Variants in CLYBL observed in about 807,000 individuals in gnomAD.
CLYBL encodes the protein citramalyl-CoA lyase, mitochondrial.
CLYBL carries 31 observed loss-of-function variants against 38.9 expected under a neutral mutation model. That is an observed-to-expected ratio of 0.80 (90% CI 0.60 to 1.08). CLYBL has a LOEUF of 1.08. Among genes scored for constraint, CLYBL ranks in the 50% least tolerant of loss-of-function variants. The pLI is 0.00. For synonymous variants in CLYBL, 171 were observed against 158.6 expected (o/e 1.08, Z -0.59); for missense variants, 434 against 411.6 (o/e 1.05, Z -0.47).
At chr13:99,662,826 C>T (rs999422780) in intron 1 of CLYBL, among the ~76,000 whole-genome samples, 2 of 152,304 alleles carry the variant, frequency 1.3e-5, no homozygotes. Flanking sequence ...GAGCACTTTC[C>T]TTGTTCCCTT....
chr13:99,641,110 C>T (rs1402267311), intron 1 of CLYBL, among the ~76,000 whole-genome samples: 2 of 152,158 alleles, frequency 1.3e-5, no homozygotes, highest in South Asian at 2.1e-4. Flanking sequence ...ATATTCTTGC[C>T]TTCAGTCCTG....
At chr13:99,786,200 C>CTTTTTTTTTT (rs199863527) in intron 2 of CLYBL, among the ~76,000 whole-genome samples, 1 of 122,558 alleles carries the variant, frequency 8.2e-6, no homozygotes, top group African/African-American at 3.0e-5. Flanking sequence ...CTTAGCTTTC[C>CTTTTTTTTTT]TTTTTTTTTT....
At chr13:99,626,864 A>C (rs1038691384) in intron 1 of CLYBL, among the ~76,000 whole-genome samples, 17 of 151,846 alleles carry the variant, frequency 1.1e-4, no homozygotes, top group African/African-American at 2.9e-4. Context: ...TTAAGACATG[A>C]CATTCCAGAG....
chr13:99,762,657 C>T (rs562792043), intron 1 of CLYBL, among the ~76,000 whole-genome samples: 5 of 152,100 alleles, frequency 3.3e-5, no homozygotes, highest in Non-Finnish European at 7.4e-5. Context: ...TTCAGAGTCT[C>T]TTGTGGTTCC....
intron 1 of CLYBL, among the ~76,000 whole-genome samples, chr13:99,637,683 A>T (rs1047500760): frequency 4.6e-5 from 7 of 152,152 alleles, no homozygotes; most frequent in African/African-American, 1.7e-4. Flanking sequence ...GCTTGAACCC[A>T]GGAGGTGGAG....
intron 2 of CLYBL, among the ~76,000 whole-genome samples, chr13:99,777,488 TTTCTTTTC>T (rs1395081489): frequency 5.1e-5 from 6 of 118,258 alleles, no homozygotes; most frequent in East Asian, 2.7e-4. Context: ...TTCCTTTTCT[TTTCTTTTC>T]TTTTTTTTTT....
intron 1 of CLYBL, among the ~76,000 whole-genome samples, chr13:99,716,415 A>T: frequency 7.0e-6 from 1 of 143,188 alleles, no homozygotes. Context: ...TTTTTAATAG[A>T]GTCTGTCGCC....
chr13:99,692,910 ATTCCTTTTTC>A (rs1164680545), intron 1 of CLYBL, among the ~76,000 whole-genome samples: 256 of 152,258 alleles, frequency 1.7e-3, no homozygotes, highest in African/African-American at 5.9e-3. Context: ...TTAGTACTTC[ATTCCTTTTTC>A]TGGCCCAGTA....
intron 2 of CLYBL, among the ~76,000 whole-genome samples, chr13:99,797,633 T>C (rs556306205): frequency 1.3e-5 from 2 of 149,632 alleles, no homozygotes; most frequent in African/African-American, 5.0e-5. Context: ...GGACCAGGCC[T>C]ATTTTGACAG....
Position 99,735,642 on chromosome 13 carries a change from T to TA in CLYBL, c.63-37176dup, listed in dbSNP as rs2048654635. Among the ~76,000 whole-genome samples, 5 of 152,338 alleles carry TA rather than the reference T, an allele frequency of 3.3e-5. No homozygotes were observed. The South Asian group carries it at 1.0e-3, about 32-fold the overall frequency. On this transcript the variant is annotated intron_variant, in intron 1 of 8. Coordinates refer to ENST00000339105, the MANE Select transcript of CLYBL (RefSeq NM_206808.5). ...ATAATATTGTCAATAGCAGCTTGTT[T>TA]AAAAAATTTAGATTGCAAAATAAAA...
At chr13:99,812,018 C>G (rs1387031801) in intron 2 of CLYBL, among the ~76,000 whole-genome samples, 1 of 152,182 alleles carries the variant, frequency 6.6e-6, no homozygotes, top group Non-Finnish European at 1.5e-5. Flanking sequence ...ATCCAAAAAG[C>G]TGAAAATCAA....
intron 1 of CLYBL, among the ~76,000 whole-genome samples, chr13:99,657,814 T>C (rs1038250524): frequency 1.3e-5 from 2 of 152,230 alleles, no homozygotes; most frequent in Non-Finnish European, 2.9e-5. Context: ...AGGTTTGTTA[T>C]TGAGTGAATT....
downstream of CLYBL, among the ~76,000 whole-genome samples, chr13:99,898,667 C>T (rs770715517): frequency 7.9e-5 from 12 of 152,292 alleles, no homozygotes; most frequent in East Asian, 1.9e-4. Flanking sequence ...TGATCTTTTC[C>T]GAAGCCTTTG....
rs142769111 is a variant in CLYBL at position 99,803,721 on chromosome 13, T to A, written c.249+30711T>A. Among the ~76,000 whole-genome samples the A allele has an allele frequency of 1.5e-3, 232 of 152,376 alleles. 1 individual carries two copies. Among genetic ancestry groups the A allele is most frequent in the African/African-American group, 4.7e-3 (195 of 41,594 alleles). ...TTCCATTTAGGAGATGGTTCACTTG[T>A]TGATCTGGGGGGTCCAGTGGGTTGA... On this transcript the variant is annotated intron_variant, in intron 2 of 8. Coordinates refer to ENST00000339105, the MANE Select transcript of CLYBL (RefSeq NM_206808.5).
chr13:99,829,198 A>T (rs964509553), intron 2 of CLYBL, among the ~76,000 whole-genome samples: 4 of 152,240 alleles, frequency 2.6e-5, no homozygotes, highest in African/African-American at 7.2e-5. Flanking sequence ...GCTCCAGGTC[A>T]TTTTAGTCAC....
Position 99,871,355 on chromosome 13 carries a change from C to T in CLYBL, c.927+293C>T, listed in dbSNP as rs188094751. Among the ~76,000 whole-genome samples the T allele has an allele frequency of 6.5e-3, 986 of 152,208 alleles. 5 individuals are homozygous for T. The highest frequency in any genetic ancestry group is 8.6e-3 in the Non-Finnish European group (587 of 68,010). ...CTGTTTAGTTTTTCTCTACAGACTT[C>T]TATGCAGCATTCATATGAAAATAAT... On this transcript the variant is annotated intron_variant, in intron 7 of 8. Transcript: ENST00000339105.
At chr13:99,727,381 C>T (rs781411211) in intron 1 of CLYBL, 7 of 152,040 alleles carry the variant, frequency 4.6e-5, no homozygotes, top group Non-Finnish European at 7.4e-5. Context: ...CTGCCTCCAC[C>T]TCTTTTCTAG....
intron 6 of CLYBL, among the ~76,000 whole-genome samples, chr13:99,868,306 T>C (rs183995725): frequency 1.3e-5 from 2 of 152,306 alleles, no homozygotes; most frequent in East Asian, 3.9e-4. Flanking sequence ...TTTAAATAAA[T>C]GTTTTTTAAT....
intron 1 of CLYBL, among the ~76,000 whole-genome samples, chr13:99,684,508 A>G (rs950404670): frequency 6.6e-6 from 1 of 152,204 alleles, no homozygotes; most frequent in Non-Finnish European, 1.5e-5. Flanking sequence ...GACCACATGA[A>G]TGAACCTTCT....
Sources: allele counts gnomAD v4.1 joint callset (sites outside exome capture counted in the v4.1 genomes callset), GRCh38; gene constraint gnomAD v4.1.1; transcripts MANE v1.5; gene names NCBI Gene and HGNC (gene_info 2026-07-23, HGNC 2026-07-21).